The following PDE7B variants were observed in gnomAD, a reference collection of about 807,000 sequenced individuals.
The protein encoded by PDE7B is phosphodiesterase 7B, also known as 3',5'-cyclic-AMP phosphodiesterase 7B.
Under a neutral mutation model 56.2 loss-of-function variants are expected in PDE7B, and 29 were observed. The ratio of observed to expected loss-of-function variants is 0.52; its 90% CI spans 0.38 to 0.70. The LOEUF is 0.70. Among genes scored for constraint, PDE7B ranks in the 30% least tolerant of loss-of-function variants. The pLI, the probability that PDE7B is intolerant of heterozygous loss-of-function variation, is 0.00. For missense variants in PDE7B, 490 were observed against 565.0 expected, an observed-to-expected ratio of 0.87 and a Z score of 1.35; for synonymous variants, 197 against 196.9, an observed-to-expected ratio of 1.00 and a Z score of 0.00.
chr6:136,013,091 C>T (rs1436287042), intron 2 of PDE7B, among the ~76,000 whole-genome samples: 1 of 152,038 alleles, frequency 6.6e-6, no homozygotes, highest in East Asian at 1.9e-4. Context: ...AGAACTAACA[C>T]AAGTGTTTGC....
At chr6:135,976,991 C>T (rs560996607) in intron 2 of PDE7B, among the ~76,000 whole-genome samples, 1 of 152,242 alleles carries the variant, frequency 6.6e-6, no homozygotes, top group South Asian at 2.1e-4. Flanking sequence ...AGAAATCCAT[C>T]CTCTGAATTC....
At chr6:135,907,100 CTCTGCTGAAA>C (rs1375060600) in intron 1 of PDE7B, among the ~76,000 whole-genome samples, 1 of 152,000 alleles carries the variant, frequency 6.6e-6, no homozygotes, top group African/African-American at 2.4e-5. Flanking sequence ...TCCAGGAAAT[CTCTGCTGAAA>C]TCTCTGCTCA....
chr6:136,145,059 C>T (rs1778391679), intron 3 of PDE7B, among the ~76,000 whole-genome samples: 1 of 152,034 alleles, frequency 6.6e-6, no homozygotes, highest in Admixed American at 6.6e-5. Context: ...ATTTTAGTAT[C>T]CATTAATGAT....
intron 2 of PDE7B, among the ~76,000 whole-genome samples, chr6:135,996,709 T>A (rs1775571388): frequency 6.6e-6 from 1 of 152,250 alleles, no homozygotes; most frequent in Non-Finnish European, 1.5e-5. Context: ...AACTGTAGTC[T>A]TTTATCTTAG....
At chr6:135,965,819 G>A (rs1774988182) in intron 2 of PDE7B, among the ~76,000 whole-genome samples, 1 of 152,108 alleles carries the variant, frequency 6.6e-6, no homozygotes, top group African/African-American at 2.4e-5. Flanking sequence ...GGAGACAAGA[G>A]GTCATGGGAG....
At chr6:135,954,795 T>A (rs1338841681) in intron 2 of PDE7B, among the ~76,000 whole-genome samples, 5 of 152,198 alleles carry the variant, frequency 3.3e-5, no homozygotes, top group African/African-American at 1.2e-4. Context: ...TTTAAAATTT[T>A]GGAAGTCAAT....
intron 2 of PDE7B, among the ~76,000 whole-genome samples, chr6:136,063,919 G>T (rs1306732158): frequency 6.6e-6 from 1 of 151,820 alleles, no homozygotes; most frequent in Non-Finnish European, 1.5e-5. Flanking sequence ...TATCTTCCTG[G>T]CTAACATAAT....
intron 1 of PDE7B, among the ~76,000 whole-genome samples, chr6:135,919,215 A>G (rs896329019): frequency 6.6e-6 from 1 of 152,184 alleles, no homozygotes; most frequent in East Asian, 1.9e-4. Context: ...GTGCTACCGA[A>G]CGCCTCCTTT....
chr6:135,975,599 G>GGCC (rs527455580), intron 2 of PDE7B, among the ~76,000 whole-genome samples: 1,566 of 152,250 alleles, frequency 0.01, 32 homozygotes, highest in African/African-American at 0.035. Context: ...AGCACTGCAG[G>GGCC]GCCTCTGGCT....
chr6:136,195,445 T>G lies in PDE7B; in HGVS notation c.*3605T>G, dbSNP rs1351981394. 1 of 129,958 alleles carries G rather than the reference T, an allele frequency of 7.7e-6. No homozygotes were observed. 8.1% of individuals were successfully genotyped at this position (129,958 alleles called of 1,614,324 possible). A position where few individuals can be genotyped will look rare whatever the true frequency, so the allele number is the denominator to read the frequency against. On this transcript the variant is annotated 3_prime_UTR_variant, in exon 13 of 13. Coordinates refer to ENST00000308191, the MANE Select transcript of PDE7B (RefSeq NM_018945.4). ...TAAACTGTGTCATTTTGTATACACA[T>G]GTGAGGTTTGAAAAAAAAAAAAAAA... is the stretch of plus-strand genomic sequence containing the variant.
intron 2 of PDE7B, chr6:136,038,195 A>G (rs878937506): frequency 1.0e-5 from 13 of 1,299,176 alleles, no homozygotes; most frequent in Non-Finnish European, 1.0e-5. Context: ...TAGCAGCAGC[A>G]GCAGCAGCAG....
intron 9 of PDE7B, among the ~76,000 whole-genome samples, chr6:136,175,381 GTGTT>G (rs1778961229): frequency 6.6e-6 from 1 of 151,982 alleles, no homozygotes; most frequent in South Asian, 2.1e-4. Flanking sequence ...ATTCAGGAAA[GTGTT>G]AGTTTGAACT....
rs374387209 is a variant in PDE7B at position 136,191,810 on chromosome 6, G to C, written c.1323G>C (p.Glu441Asp). 97 of 1,556,100 alleles carry C rather than the reference G, an allele frequency of 6.2e-5. No homozygotes were observed. The highest frequency in any genetic ancestry group is 2.0e-4 in the Middle Eastern group (1 of 5,098). The change falls in exon 13 of 13, where the codon GAG becomes GAC. Residue 441 changes from glutamate (E) to aspartate (D), a missense_variant. By Grantham distance (45) the Glu-to-Asp change is conservative (BLOSUM62 2). Transcript: ENST00000308191. Reference protein sequence around the residue: ...PDHDHAGQGTESEEQEGDSP With the variant: ...PDHDHAGQGTDSEEQEGDSP ...ACGACCACGCAGGCCAAGGGACTGA[G>C]AGCGAGGAGCAGGAAGGCGACAGCC...
At chr6:136,058,158 C>A (rs1405020487) in intron 2 of PDE7B, among the ~76,000 whole-genome samples, 1 of 152,156 alleles carries the variant, frequency 6.6e-6, no homozygotes, top group Non-Finnish European at 1.5e-5. Flanking sequence ...TTCCAAAGCA[C>A]CAGATAGGGG....
intron 2 of PDE7B, among the ~76,000 whole-genome samples, chr6:136,090,296 A>G (rs1482165799): frequency 1.3e-5 from 2 of 152,220 alleles, no homozygotes; most frequent in Admixed American, 6.5e-5. Context: ...GATGTCTTCC[A>G]TAAAGTTGGT....
At chr6:135,911,303 A>G (rs977848655) in intron 1 of PDE7B, among the ~76,000 whole-genome samples, 15 of 152,122 alleles carry the variant, frequency 9.9e-5, no homozygotes, top group African/African-American at 3.4e-4. Context: ...AACTGCCCTT[A>G]TTTTGGATGG....
At chr6:136,031,468 G>T (rs1340179056) in intron 2 of PDE7B, among the ~76,000 whole-genome samples, 1 of 152,116 alleles carries the variant, frequency 6.6e-6, no homozygotes, top group Non-Finnish European at 1.5e-5. Context: ...GGCCGGGCGC[G>T]GTGGCTCACG....
At chr6:135,914,914 G>A (rs1776274650) in intron 1 of PDE7B, among the ~76,000 whole-genome samples, 1 of 151,756 alleles carries the variant, frequency 6.6e-6, no homozygotes, top group Admixed American at 6.6e-5. Context: ...CCAACATGGT[G>A]AAAGCTCATC....
chr6:136,114,969 C>T (rs905972055), intron 3 of PDE7B: 1 of 152,182 alleles, frequency 6.6e-6, no homozygotes, highest in Non-Finnish European at 1.5e-5. Flanking sequence ...GGATGGTTAA[C>T]CACTGAAATG....
Sources: gnomAD v4.1 joint callset for allele counts (sites outside exome capture counted in the v4.1 genomes callset) on GRCh38, gnomAD v4.1.1 for gene constraint, MANE v1.5 for transcripts, NCBI Gene and HGNC (gene_info 2026-07-23, HGNC 2026-07-21) for gene names.